The following HAPLN1 variants were observed in gnomAD, a reference collection of about 807,000 sequenced individuals.
The protein encoded by HAPLN1 is hyaluronan and proteoglycan link protein 1.
Under a neutral mutation model 36.5 loss-of-function variants are expected in HAPLN1, and 13 were observed. The observed-to-expected ratio is 0.36, with a 90% CI of 0.23 to 0.57. HAPLN1 has a LOEUF of 0.57. Ranked by LOEUF, HAPLN1 falls within the 20% of genes least tolerant of loss-of-function variation. The pLI is 0.83. For missense variants in HAPLN1, 407 were observed against 439.7 expected (o/e 0.93, Z 0.66); for synonymous variants, 202 against 169.8 (o/e 1.19, Z -1.48).
chr5:83,647,519 ATTTG>A (rs1313462035), intron 3 of HAPLN1, among the ~76,000 whole-genome samples: 2 of 152,122 alleles, frequency 1.3e-5, no homozygotes, highest in African/African-American at 2.4e-5. Flanking sequence ...TTAGTATTTT[ATTTG>A]TTTACTTATT....
At chr5:83,656,225 G>C in intron 2 of HAPLN1, among the ~76,000 whole-genome samples, 1 of 151,248 alleles carries the variant, frequency 6.6e-6, no homozygotes, top group African/African-American at 2.4e-5. Context: ...CTACTCGGGA[G>C]GCTGAAGCAG....
At chr5:83,711,676 C>A (rs534375732) in intron 1 of HAPLN1, among the ~76,000 whole-genome samples, 60 of 152,268 alleles carry the variant, frequency 3.9e-4, no homozygotes, top group African/African-American at 4.6e-4. Context: ...ATGTAAGTGA[C>A]CAGTTTCCTT....
chr5:83,682,118 A>G (rs544975353), intron 1 of HAPLN1, among the ~76,000 whole-genome samples: 3 of 152,340 alleles, frequency 2.0e-5, no homozygotes, highest in African/African-American at 7.2e-5. Flanking sequence ...AAATCTCTTT[A>G]AAAGTTCAAA....
At chr5:83,705,261 G>A (rs1187385328) in intron 1 of HAPLN1, among the ~76,000 whole-genome samples, 1 of 151,712 alleles carries the variant, frequency 6.6e-6, no homozygotes, top group Non-Finnish European at 1.5e-5. Context: ...ATGGTGGCAT[G>A]CACCTGTAAT....
intron 1 of HAPLN1, among the ~76,000 whole-genome samples, chr5:83,715,370 C>T (rs185295935): frequency 2.8e-4 from 43 of 152,030 alleles, no homozygotes; most frequent in Admixed American, 2.2e-3. Context: ...GCAGGAGTCT[C>T]GGTTTATGAG....
intron 1 of HAPLN1, among the ~76,000 whole-genome samples, chr5:83,692,720 C>T (rs548731740): frequency 6.6e-6 from 1 of 152,002 alleles, no homozygotes; most frequent in African/African-American, 2.4e-5. Flanking sequence ...TAAGTAAGCA[C>T]ATTTTTCTCA....
At chr5:83,685,968 A>G (rs532186256) in intron 1 of HAPLN1, 1 of 152,196 alleles carries the variant, frequency 6.6e-6, no homozygotes, top group South Asian at 2.1e-4. Flanking sequence ...TCTTGCAAGT[A>G]TTTCCACACA....
rs1177680316 is a variant in HAPLN1, at chr5:83,643,375, AG to A, written c.775+987del. ...TCTTAAAAAAAAAAAAAAAAAAAAA[AG>A]ATTATTGACCCCTGACCCATAATCT... On this transcript the variant is annotated intron_variant, in intron 4 of 4. Coordinates refer to ENST00000274341, the MANE Select transcript of HAPLN1 (RefSeq NM_001884.4). Among the ~76,000 whole-genome samples, 424 of 135,046 alleles carry A rather than the reference AG, an allele frequency of 3.1e-3. 2 individuals are homozygous for A. Among genetic ancestry groups the A allele is most frequent in the African/African-American group, 0.011 (402 of 37,458 alleles). 88.6% of individuals were successfully genotyped at this position (135,046 alleles called of 152,430 possible).
chr5:83,652,396 A>T, intron 3 of HAPLN1, 57 bp downstream of exon 3: 1 of 1,527,660 alleles, frequency 6.5e-7, no homozygotes. Context: ...TCTTCATGAA[A>T]AAAAAAGCAA....
rs2112545883 is a variant in HAPLN1 at position 83,640,497 on chromosome 5, T to C, written c.*999A>G. ...AAGAATTTTGAAAGTTGCATCTTTG[T>C]TTCTGCATTAGGGATTCCTTTTATA... is the stretch of plus-strand genomic sequence containing the variant. On this transcript the variant is annotated 3_prime_UTR_variant, in exon 5 of 5. Transcript: ENST00000274341. 1 of 152,194 alleles carries C rather than the reference T, an allele frequency of 6.6e-6. No homozygotes were observed. Among genetic ancestry groups the C allele is most frequent in the East Asian group, 1.9e-4 (1 of 5,206 alleles). The allele number at this position is 152,194 out of a possible 1,614,324, so 9.4% of individuals were successfully genotyped here.
chr5:83,658,915 C>T (rs372516095), intron 2 of HAPLN1, among the ~76,000 whole-genome samples: 67 of 152,204 alleles, frequency 4.4e-4, no homozygotes, highest in Admixed American at 1.3e-3. Flanking sequence ...GAAAGGAAGA[C>T]GGTAAGAAAG....
In HAPLN1 at chr5:83,683,751, A is replaced by G. The variant is rs191528697; in HGVS notation, c.-26-10202T>C. Among the ~76,000 whole-genome samples, 10 of 152,328 alleles carry G rather than the reference A, an allele frequency of 6.6e-5. No individual in the cohort carries two copies. The East Asian group carries it at 1.9e-3, about 29-fold the overall frequency. On this transcript the variant is annotated intron_variant, in intron 1 of 4. Transcript: ENST00000274341. The stretch of plus-strand genomic sequence containing the variant: ...AACCTCACATACACAGCTGCCAGTC[A>G]TCACTCTCAGAGGTTAGTAATAACT...
chr5:83,659,727 C>T (rs1396953836), intron 2 of HAPLN1, among the ~76,000 whole-genome samples: 1 of 151,960 alleles, frequency 6.6e-6, no homozygotes, highest in African/African-American at 2.4e-5. Flanking sequence ...TCTCAGTATA[C>T]CTATTGCTGT....
At chr5:83,719,841 T>G (rs969010171) in intron 1 of HAPLN1, among the ~76,000 whole-genome samples, 1 of 152,220 alleles carries the variant, frequency 6.6e-6, no homozygotes, top group Non-Finnish European at 1.5e-5. Flanking sequence ...AGCCTTAATT[T>G]CTTAAGAACT....
intron 2 of HAPLN1, among the ~76,000 whole-genome samples, chr5:83,655,950 C>A (rs1027588154): frequency 2.6e-5 from 4 of 152,128 alleles, no homozygotes; most frequent in Non-Finnish European, 5.9e-5. Flanking sequence ...ACAAACTTTG[C>A]ACACTTTTGC....
At chr5:83,689,572 G>C (rs1372842148) in intron 1 of HAPLN1, among the ~76,000 whole-genome samples, 2 of 152,026 alleles carry the variant, frequency 1.3e-5, no homozygotes, top group Non-Finnish European at 2.9e-5. Context: ...ATTTTGCCTG[G>C]GGCAGGCTGC....
At chr5:83,685,732 A>G (rs1379773650) in intron 1 of HAPLN1, 1 of 152,176 alleles carries the variant, frequency 6.6e-6, no homozygotes, top group East Asian at 1.9e-4. Context: ...ATAGCTGTAT[A>G]TGAGAGTGAA....
At chr5:83,671,698 C>T (rs531002627) in intron 2 of HAPLN1, among the ~76,000 whole-genome samples, 4 of 152,294 alleles carry the variant, frequency 2.6e-5, no homozygotes, top group African/African-American at 9.6e-5. Context: ...ATTTCATTTA[C>T]GGGCATAACA....
chr5:83,672,872 C>A (rs1333252868), intron 2 of HAPLN1, among the ~76,000 whole-genome samples: 1 of 152,188 alleles, frequency 6.6e-6, no homozygotes, highest in Non-Finnish European at 1.5e-5. Flanking sequence ...AGCCTCAAAT[C>A]CTGCTACAGC....
Sources: allele counts gnomAD v4.1 joint callset (sites outside exome capture counted in the v4.1 genomes callset), GRCh38; gene constraint gnomAD v4.1.1; transcripts MANE v1.5; gene names NCBI Gene and HGNC (gene_info 2026-07-23, HGNC 2026-07-21).